Variants in GALNT5 observed in about 807,000 individuals in gnomAD.
GALNT5 encodes the protein UDP-GalNAc:polypeptide N-acetylgalactosaminyltransferase 5.
In GALNT5, 72 loss-of-function variants were observed where a neutral mutation model predicts 85.4. The observed-to-expected ratio is 0.84, with a 90% CI of 0.70 to 1.03. GALNT5 has a LOEUF of 1.03. Among genes scored for constraint, GALNT5 ranks in the 50% least tolerant of loss-of-function variants. The pLI, the probability that GALNT5 is intolerant of heterozygous loss-of-function variation, is 0.00. For synonymous variants in GALNT5, 404 were observed against 397.0 expected, an observed-to-expected ratio of 1.02 and a Z score of -0.21; for missense variants, 1,137 against 1,135.5, an observed-to-expected ratio of 1.00 and a Z score of -0.02.
chr2:157,306,968 CAATT>C (rs1209077818), intron 8 of GALNT5, among the ~76,000 whole-genome samples: 7 of 150,816 alleles, frequency 4.6e-5, no homozygotes, highest in Non-Finnish European at 1.0e-4. Flanking sequence ...AACAAAACCA[CAATT>C]ATTTCACATT....
Position 157,300,710 on chromosome 2 carries a change from C to T in GALNT5, c.2150C>T (p.Pro717Leu). 6.2e-7 allele frequency: 1 copy of T among 1,613,454 alleles called. No homozygotes were observed. The change falls in exon 7 of 10, where the codon CCC (proline) becomes CTC (leucine). Residue 717 changes from proline (P) to leucine (L), a missense_variant. By Grantham distance (98) the Pro-to-Leu change is moderately conservative. Transcript: ENST00000259056. Reference sequence around the variant, plus strand: ...TGTGGTGGTGAAATTGAGATCATTCCCTGCTCCCGAGTGGGCCATATATTC... The same window carrying T: ...TGTGGTGGTGAAATTGAGATCATTCTCTGCTCCCGAGTGGGCCATATATTC... The part of the protein sequence containing the change: ...WMCGGEIEII[P>L]CSRVGHIFRN...
At chr2:157,282,556 T>C (rs1011734720) in intron 1 of GALNT5, among the ~76,000 whole-genome samples, 1 of 152,192 alleles carries the variant, frequency 6.6e-6, no homozygotes. Flanking sequence ...ACCCCCTATG[T>C]GTCAGATATA....
intron 3 of GALNT5, among the ~76,000 whole-genome samples, chr2:157,293,443 C>T (rs1034747541): frequency 2.0e-5 from 3 of 152,198 alleles, no homozygotes; most frequent in Non-Finnish European, 4.4e-5. Flanking sequence ...AAGGCCCCAC[C>T]TCCTAATACT....
At chr2:157,262,914 G>A (rs943866543) in intron 1 of GALNT5, among the ~76,000 whole-genome samples, 37 of 130,216 alleles carry the variant, frequency 2.8e-4, no homozygotes, top group African/African-American at 1.0e-3. Context: ...TGCAAACTCC[G>A]CCTCCGGGGT....
chr2:157,273,445 G>A (rs1466466684), intron 1 of GALNT5, among the ~76,000 whole-genome samples: 1 of 149,822 alleles, frequency 6.7e-6, no homozygotes, highest in East Asian at 2.0e-4. Flanking sequence ...TTCATAATTT[G>A]GTATCACCAA....
chr2:157,286,620 C>T (rs555621867), intron 3 of GALNT5, among the ~76,000 whole-genome samples: 1 of 152,266 alleles, frequency 6.6e-6, no homozygotes, highest in Non-Finnish European at 1.5e-5. Context: ...TCTCCTGCCT[C>T]AGCCTCCCAA....
Position 157,258,736 on chromosome 2 carries a change from G to T in GALNT5, c.654G>T (p.Val218=). 6.2e-7 allele frequency: 1 copy of T among 1,613,922 alleles called. No individual in the cohort carries two copies. The highest frequency in any genetic ancestry group is 1.1e-5 in the South Asian group (1 of 91,040). Residue 218 remains valine, a synonymous_variant, in exon 1 of 10, where the codon GTG becomes GTT. Coordinates refer to ENST00000259056, the MANE Select transcript of GALNT5 (RefSeq NM_014568.3). ...TAGCAGCTGAAAGGGACTTGAATGT[G>T]ACCATCAGTCTTAGTACTGATAGAC... is the stretch of plus-strand genomic sequence containing the variant. ...SKLAAERDLN[V]TISLSTDRPK... is the part of the protein sequence containing the mutation.
intron 7 of GALNT5, among the ~76,000 whole-genome samples, chr2:157,303,070 CT>C (rs1222805670): frequency 6.6e-6 from 1 of 152,150 alleles, no homozygotes; most frequent in African/African-American, 2.4e-5. Context: ...CGTTTCCCTT[CT>C]TTCAACCTCC....
chr2:157,272,063 G>A (rs1366831631), intron 1 of GALNT5, among the ~76,000 whole-genome samples: 2 of 152,096 alleles, frequency 1.3e-5, no homozygotes, highest in Admixed American at 6.6e-5. Flanking sequence ...AATAGAGAGT[G>A]GCCAAAGGAA....
intron 3 of GALNT5, among the ~76,000 whole-genome samples, chr2:157,294,696 G>T (rs139126692): frequency 4.1e-4 from 63 of 151,908 alleles, no homozygotes; most frequent in Non-Finnish European, 6.8e-4. Flanking sequence ...TATTACCTGT[G>T]GTTGGGCCTG....
At chr2:157,299,290 G>A (rs745920819) in intron 5 of GALNT5, 26 of 340,076 alleles carry the variant, frequency 7.6e-5, no homozygotes, top group Non-Finnish European at 1.3e-4. Flanking sequence ...AACATTCCTG[G>A]ACAGTTTGTG....
chr2:157,260,923 T>C (rs977255661), intron 1 of GALNT5, among the ~76,000 whole-genome samples: 2 of 152,206 alleles, frequency 1.3e-5, no homozygotes, highest in African/African-American at 4.8e-5. Flanking sequence ...TACTCAAAGA[T>C]GAGGAAACTG....
chr2:157,298,188 A>C (rs1683257414), intron 5 of GALNT5, among the ~76,000 whole-genome samples: 1 of 152,168 alleles, frequency 6.6e-6, no homozygotes, highest in Non-Finnish European at 1.5e-5. Context: ...AAGGAAAAAC[A>C]CCAAGGTCTG....
chr2:157,260,864 C>G (rs996739062), intron 1 of GALNT5, among the ~76,000 whole-genome samples: 5 of 152,180 alleles, frequency 3.3e-5, no homozygotes, highest in African/African-American at 1.2e-4. Flanking sequence ...CTGTGCCATT[C>G]ACGCTTCTCA....
chr2:157,274,758 A>C lies in GALNT5; in HGVS notation c.1455-9524A>C, dbSNP rs193258156. 1.8e-3 allele frequency among the ~76,000 whole-genome samples: 281 copies of C among 152,122 alleles called. 2 individuals carry two copies. The highest frequency in any genetic ancestry group is 6.8e-3 in the Middle Eastern group (2 of 294). ...CTTTGTCAGATGGGTAGATTGCAAAAATTTTCTCCCATTCTGTAGGCTGCC... is the reference window on the plus strand; with the variant it reads ...CTTTGTCAGATGGGTAGATTGCAAACATTTTCTCCCATTCTGTAGGCTGCC... On this transcript the variant is annotated intron_variant, in intron 1 of 9. Coordinates refer to ENST00000259056, the MANE Select transcript of GALNT5 (RefSeq NM_014568.3).
chr2:157,279,349 C>A (rs568092749), intron 1 of GALNT5, among the ~76,000 whole-genome samples: 20 of 152,374 alleles, frequency 1.3e-4, no homozygotes, highest in Admixed American at 1.2e-3. Flanking sequence ...AACCACTGCT[C>A]TTTTCAGAGC....
intron 2 of GALNT5, 38 bp from the exon 3 acceptor site, chr2:157,285,977 A>T: frequency 6.5e-7 from 1 of 1,526,870 alleles, no homozygotes; most frequent in Non-Finnish European, 9.0e-7. Flanking sequence ...GACTTACTTA[A>T]TTCAAGTATT....
intron 2 of GALNT5, 98 bp from the exon 3 acceptor site, chr2:157,285,917 T>C: frequency 4.1e-6 from 3 of 724,790 alleles, no homozygotes; most frequent in Admixed American, 5.1e-5. Context: ...ATGATGGTAA[T>C]GTCATAGTTT....
rs1341047438 is a variant in GALNT5 at position 157,258,651 on chromosome 2, G to C, written c.569G>C (p.Arg190Pro). 2 of 1,613,622 alleles carry C rather than the reference G, an allele frequency of 1.2e-6. No homozygotes were observed. The highest frequency in any genetic ancestry group is 1.7e-6 in the Non-Finnish European group (2 of 1,179,932). Residue 190 changes from arginine (R) to proline (P), a missense_variant, in exon 1 of 10, where the codon CGT (arginine) becomes CCT (proline). Physicochemically the swap from Arg to Pro is moderately radical, Grantham distance 103. Transcript: ENST00000259056. Reference protein sequence around the residue: ...QVVKISVHMGRVSLKQEPRKS... With the variant: ...QVVKISVHMGPVSLKQEPRKS... Reference sequence around the variant, plus strand: ...GTCAAAATATCAGTACACATGGGACGTGTCAGTTTAAAACAGGAGCCCCGG... The same window carrying C: ...GTCAAAATATCAGTACACATGGGACCTGTCAGTTTAAAACAGGAGCCCCGG...
Sources: gnomAD v4.1 joint callset for allele counts (sites outside exome capture counted in the v4.1 genomes callset) on GRCh38, gnomAD v4.1.1 for gene constraint, MANE v1.5 for transcripts, NCBI Gene and HGNC (gene_info 2026-07-23, HGNC 2026-07-21) for gene names.